MYO5B: variants seen among roughly 807,000 people sequenced by gnomAD.
The protein encoded by MYO5B is unconventional myosin-Vb.
In MYO5B, 143 loss-of-function variants were observed where a neutral mutation model predicts 229.3. The ratio of observed to expected loss-of-function variants is 0.62; its 90% CI spans 0.54 to 0.72. MYO5B has a LOEUF of 0.72. MYO5B is among the 30% of genes least tolerant of loss of function. The pLI is 0.00. For synonymous variants in MYO5B, 918 were observed against 885.2 expected, an observed-to-expected ratio of 1.04 and a Z score of -0.66; for missense variants, 2,321 against 2,331.0, an observed-to-expected ratio of 1.00 and a Z score of 0.09.
chr18:50,066,054 C>T lies in MYO5B; in HGVS notation c.28-10676G>A, dbSNP rs368184646. 1.2e-4 allele frequency among the ~76,000 whole-genome samples: 18 copies of T among 152,170 alleles called. No homozygotes were observed. The East Asian group carries it at 1.5e-3, about 13-fold the overall frequency. ...CAGTAGGTTCTTGGGGGTCACATTA[C>T]AGATTTTTTTGAAGTATTCTATAGC... On this transcript the variant is annotated intron_variant, in intron 1 of 39. Transcript: ENST00000285039.
chr18:49,853,299 G>A (rs1158432383), intron 31 of MYO5B, 150 bp downstream of exon 31: 1 of 780,248 alleles, frequency 1.3e-6, no homozygotes, highest in Non-Finnish European at 2.2e-6. Flanking sequence ...TCCAGTGAAG[G>A]GGTCTTGACC....
In MYO5B at chr18:49,841,470, G is replaced by A. The variant is rs200363091; in HGVS notation, c.4612-16C>T. On this transcript the variant is annotated splice_polypyrimidine_tract_variant and intron_variant, in intron 34 of 39. Transcript: ENST00000285039. ...CATTGTGCTTCTGTGAAAAGAAAAG[G>A]ACATCCTCAGCTCTAAGTGGCTCCC... The A allele has an allele frequency of 2.5e-6, 4 of 1,610,048 alleles. No individual in the cohort carries two copies. In the African/African-American group the frequency reaches 5.3e-5, roughly 21 times the overall value.
At chr18:49,832,442 CTG>C (rs1420574743) in intron 39 of MYO5B, among the ~76,000 whole-genome samples, 2 of 152,214 alleles carry the variant, frequency 1.3e-5, no homozygotes, top group African/African-American at 4.8e-5. Flanking sequence ...ATAGGGTTAA[CTG>C]TGGGAGTATT....
chr18:50,179,480 C>A (rs115873225), intron 1 of MYO5B, among the ~76,000 whole-genome samples: 1 of 152,142 alleles, frequency 6.6e-6, no homozygotes. Context: ...TAAGAGGCTG[C>A]CTTCTACAAA....
chr18:49,990,396 C>A (rs370044385), intron 7 of MYO5B, 43 bp downstream of exon 7: 12 of 1,525,410 alleles, frequency 7.9e-6, no homozygotes, highest in African/African-American at 1.4e-5. Context: ...CCCGCTGGAG[C>A]AGTAGCCCAC....
chr18:50,113,563 T>G (rs1433809273), intron 1 of MYO5B, among the ~76,000 whole-genome samples: 2 of 152,254 alleles, frequency 1.3e-5, no homozygotes, highest in East Asian at 3.8e-4. Context: ...GAACATCAAG[T>G]GTGGCCTCGT....
intron 39 of MYO5B, among the ~76,000 whole-genome samples, chr18:49,827,339 G>A (rs542989686): frequency 1.7e-3 from 256 of 152,324 alleles, no homozygotes; most frequent in South Asian, 2.3e-3. Flanking sequence ...GTAGGCAGTG[G>A]GACCTTGTCC....
chr18:50,188,013 G>T (rs1210060586), intron 1 of MYO5B, among the ~76,000 whole-genome samples: 1 of 152,122 alleles, frequency 6.6e-6, no homozygotes, highest in African/African-American at 2.4e-5. Context: ...TTACAGAAAT[G>T]TTAACCTCCT....
chr18:50,059,599 G>A (rs892787402), intron 1 of MYO5B, among the ~76,000 whole-genome samples: 5 of 152,182 alleles, frequency 3.3e-5, no homozygotes, highest in African/African-American at 1.2e-4. Context: ...CCACAATAAA[G>A]ACACGTGGAA....
chr18:49,943,663 T>C (rs2025340595), intron 14 of MYO5B, among the ~76,000 whole-genome samples: 1 of 152,214 alleles, frequency 6.6e-6, no homozygotes, highest in African/African-American at 2.4e-5. Context: ...CGCTCAAATA[T>C]GCAACAAATG....
chr18:50,163,978 AAG>A (rs10560341), intron 1 of MYO5B, among the ~76,000 whole-genome samples: 18,251 of 152,144 alleles, frequency 0.12, 1,120 homozygotes, highest in East Asian at 0.23. Context: ...TTCTATTTAA[AAG>A]AAAAATATCA....
intron 1 of MYO5B, among the ~76,000 whole-genome samples, chr18:50,182,389 C>T (rs1027660276): frequency 6.6e-6 from 1 of 152,066 alleles, no homozygotes; most frequent in Non-Finnish European, 1.5e-5. Flanking sequence ...CTTCCTTTGG[C>T]CAGCTTGGTG....
intron 22 of MYO5B, among the ~76,000 whole-genome samples, chr18:49,888,567 C>T (rs749909048): frequency 6.6e-6 from 1 of 152,144 alleles, no homozygotes; most frequent in Non-Finnish European, 1.5e-5. Context: ...CGTGTGGTTG[C>T]AGCACGGGCA....
At chr18:49,868,168 T>C (rs10502902) in intron 27 of MYO5B, among the ~76,000 whole-genome samples, 46,569 of 152,032 alleles carry the variant, frequency 0.31, 8,071 homozygotes, top group East Asian at 0.7. Context: ...ATCCAAATAA[T>C]ATCAGAGACT....
At chr18:49,839,321 G>C (rs139177975) in intron 35 of MYO5B, 27 bp from the exon 36 acceptor site, 1 of 1,610,562 alleles carries the variant, frequency 6.2e-7, no homozygotes, top group South Asian at 1.1e-5. Context: ...GTGCACTACT[G>C]AGTTCTCTGG....
At chr18:50,067,757 T>C (rs2721084) in intron 1 of MYO5B, among the ~76,000 whole-genome samples, 112,272 of 152,062 alleles carry the variant, frequency 0.74, 42,679 homozygotes, top group Middle Eastern at 0.83. Flanking sequence ...GGGCCCTCTC[T>C]GGAAGCATTT....
chr18:49,910,568 TAAA>T (rs879465681), intron 18 of MYO5B, among the ~76,000 whole-genome samples: 1 of 142,520 alleles, frequency 7.0e-6, no homozygotes, highest in Non-Finnish European at 1.5e-5. Context: ...TTACCCTGTT[TAAA>T]AAAAAAAAAA....
intron 1 of MYO5B, among the ~76,000 whole-genome samples, chr18:50,102,108 T>C (rs1274051461): frequency 6.6e-6 from 1 of 151,914 alleles, no homozygotes; most frequent in Non-Finnish European, 1.5e-5. Context: ...CCTTGGATGG[T>C]TCAAACTGGA....
chr18:50,063,237 T>G (rs1240418525), intron 1 of MYO5B, among the ~76,000 whole-genome samples: 1 of 152,188 alleles, frequency 6.6e-6, no homozygotes, highest in Non-Finnish European at 1.5e-5. Context: ...CTTCTGAGTT[T>G]CCGTTTACTC....
Sources: allele counts gnomAD v4.1 joint callset (sites outside exome capture counted in the v4.1 genomes callset), GRCh38; gene constraint gnomAD v4.1.1; transcripts MANE v1.5; gene names NCBI Gene and HGNC (gene_info 2026-07-23, HGNC 2026-07-21).